Variants in TMEM132D observed in about 807,000 individuals in gnomAD.
The protein encoded by TMEM132D is mature OL transmembrane protein.
In TMEM132D, 21 loss-of-function variants were observed where a neutral mutation model predicts 62.3. That is an observed-to-expected ratio of 0.34 (90% CI 0.24 to 0.49). The LOEUF (loss-of-function observed/expected upper bound fraction) is 0.49, where lower values mean the gene tolerates loss of function less well. Among genes scored for constraint, TMEM132D ranks in the 20% least tolerant of loss-of-function variants. The pLI, the probability that TMEM132D is intolerant of heterozygous loss-of-function variation, is 0.99. For missense variants in TMEM132D, 1,346 were observed against 1,402.8 expected (o/e 0.96, Z 0.65); for synonymous variants, 621 against 575.6 (o/e 1.08, Z -1.13).
chr12:129,453,018 G>A (rs913078784), intron 3 of TMEM132D, among the ~76,000 whole-genome samples: 6 of 152,194 alleles, frequency 3.9e-5, no homozygotes, highest in Non-Finnish European at 8.8e-5. Context: ...GAGCCTTACT[G>A]CCTGAGCTCT....
chr12:129,790,866 G>C (rs1871384522), intron 1 of TMEM132D, among the ~76,000 whole-genome samples: 1 of 152,116 alleles, frequency 6.6e-6, no homozygotes, highest in Non-Finnish European at 1.5e-5. Context: ...GTCTAAACCA[G>C]AAATATGTTT....
At chr12:129,636,922 T>C (rs1203972364) in intron 2 of TMEM132D, among the ~76,000 whole-genome samples, 1 of 152,076 alleles carries the variant, frequency 6.6e-6, no homozygotes, top group Non-Finnish European at 1.5e-5. Flanking sequence ...CCTGAATTTG[T>C]AGCATACCCA....
chr12:129,409,966 G>A (rs922654363), intron 3 of TMEM132D, among the ~76,000 whole-genome samples: 7 of 152,154 alleles, frequency 4.6e-5, no homozygotes, highest in East Asian at 1.9e-4. Flanking sequence ...GCCTAAGAAC[G>A]TCACTTAAAG....
chr12:129,719,849 A>G (rs763455812), intron 1 of TMEM132D, among the ~76,000 whole-genome samples: 5 of 152,164 alleles, frequency 3.3e-5, no homozygotes, highest in African/African-American at 4.8e-5. Context: ...AGCTTAGGAG[A>G]GTCTCTTAAA....
At chr12:129,483,685 G>A (rs1874494678) in intron 3 of TMEM132D, among the ~76,000 whole-genome samples, 2 of 152,170 alleles carry the variant, frequency 1.3e-5, no homozygotes. Flanking sequence ...AACGAAACGT[G>A]TGGCTTCTGC....
At chr12:129,699,784 C>T (rs2137225021) in intron 2 of TMEM132D, 26 bp downstream of exon 2, 8 of 1,609,462 alleles carry the variant, frequency 5.0e-6, no homozygotes, top group Non-Finnish European at 6.8e-6. Context: ...CGGGCGGGTA[C>T]AGACAGACAT....
chr12:129,121,016 G>A (rs924153126), intron 5 of TMEM132D, among the ~76,000 whole-genome samples: 1 of 152,064 alleles, frequency 6.6e-6, no homozygotes, highest in African/African-American at 2.4e-5. Flanking sequence ...TGCTAGGTAG[G>A]TTACATGGCC....
At chr12:129,632,362 G>A (rs983399445) in intron 2 of TMEM132D, among the ~76,000 whole-genome samples, 1 of 151,934 alleles carries the variant, frequency 6.6e-6, no homozygotes, top group Non-Finnish European at 1.5e-5. Context: ...AACCTTTTTC[G>A]GCAGTAAAAA....
chr12:129,210,664 T>C (rs1406072680), intron 4 of TMEM132D, among the ~76,000 whole-genome samples: 1 of 152,198 alleles, frequency 6.6e-6, no homozygotes, highest in Admixed American at 6.5e-5. Context: ...TCTTCCAGAC[T>C]CTAAGCTCCA....
chr12:129,460,474 C>T (rs1873628860), intron 3 of TMEM132D, among the ~76,000 whole-genome samples: 1 of 152,164 alleles, frequency 6.6e-6, no homozygotes, highest in Admixed American at 6.5e-5. Flanking sequence ...TATTAGAACA[C>T]ACCCGCTTTG....
intron 1 of TMEM132D, among the ~76,000 whole-genome samples, chr12:129,790,047 C>T (rs1399429782): frequency 6.6e-6 from 1 of 152,152 alleles, no homozygotes; most frequent in South Asian, 2.1e-4. Context: ...GCTGCTTCGA[C>T]GCCAGCAGGG....
chr12:129,728,987 G>A (rs1049643213), intron 1 of TMEM132D, among the ~76,000 whole-genome samples: 2 of 152,072 alleles, frequency 1.3e-5, no homozygotes, highest in African/African-American at 4.8e-5. Context: ...TTTATAATTC[G>A]TTTTTAATGC....
intron 1 of TMEM132D, among the ~76,000 whole-genome samples, chr12:129,821,646 AT>A (rs1872544911): frequency 6.6e-6 from 1 of 151,988 alleles, no homozygotes; most frequent in Non-Finnish European, 1.5e-5. Context: ...AAAAGTGCCA[AT>A]CAAAACGTGC....
chr12:129,084,904 G>A, intron 5 of TMEM132D: 1 of 576,138 alleles, frequency 1.7e-6, no homozygotes. Flanking sequence ...TATGAAAGGT[G>A]CTCTCTGAGT....
chr12:129,628,114 T>C (rs535434861), intron 2 of TMEM132D, among the ~76,000 whole-genome samples: 2 of 152,306 alleles, frequency 1.3e-5, no homozygotes, highest in Admixed American at 1.3e-4. Flanking sequence ...TAAAATTCAC[T>C]AGAAATCATT....
chr12:129,161,908 A>C (rs1241206027), intron 5 of TMEM132D, among the ~76,000 whole-genome samples: 1 of 152,178 alleles, frequency 6.6e-6, no homozygotes, highest in East Asian at 1.9e-4. Flanking sequence ...TGAATGACCC[A>C]GAGAGGGGGA....
rs549869649 is a variant in TMEM132D, at chr12:129,506,089, T to A, written c.1115+24970A>T. 9.8e-5 allele frequency among the ~76,000 whole-genome samples: 15 copies of A among 152,300 alleles called. 2 individuals carry two copies. Among genetic ancestry groups the A allele is most frequent in the African/African-American group, 3.6e-4 (15 of 41,570 alleles). On this transcript the variant is annotated intron_variant, in intron 3 of 8. Coordinates refer to ENST00000422113, the MANE Select transcript of TMEM132D (RefSeq NM_133448.3). ...GCTATTTGTTGCCTGAATACCTTGT[T>A]TTTTTATTGTAATTTTTGTTTTATA...
At chr12:129,503,579 G>T (rs34395919) in intron 3 of TMEM132D, among the ~76,000 whole-genome samples, 37,075 of 152,082 alleles carry the variant, frequency 0.24, 5,335 homozygotes, top group Non-Finnish European at 0.33. Context: ...TCTAGAATCT[G>T]CAGTCATTTA....
At chr12:129,627,976 G>A (rs1879264907) in intron 2 of TMEM132D, among the ~76,000 whole-genome samples, 1 of 152,188 alleles carries the variant, frequency 6.6e-6, no homozygotes, top group African/African-American at 2.4e-5. Context: ...GACAAAGTGA[G>A]ATCTTGTCTC....
Sources: gnomAD v4.1 joint callset for allele counts (sites outside exome capture counted in the v4.1 genomes callset) on GRCh38, gnomAD v4.1.1 for gene constraint, MANE v1.5 for transcripts, NCBI Gene and HGNC (gene_info 2026-07-23, HGNC 2026-07-21) for gene names.